The following NXN variants were observed in gnomAD, a reference collection of about 807,000 sequenced individuals.
The protein encoded by NXN is nucleoredoxin 1.
In NXN, 16 loss-of-function variants were observed where a neutral mutation model predicts 48.6. That is an observed-to-expected ratio of 0.33 (90% CI 0.22 to 0.50). NXN has a LOEUF of 0.50. Ranked by LOEUF, NXN falls within the 20% of genes least tolerant of loss-of-function variation. The pLI is 0.98. For missense variants in NXN, 492 were observed against 605.5 expected, an observed-to-expected ratio of 0.81 and a Z score of 1.97; for synonymous variants, 281 against 269.6, an observed-to-expected ratio of 1.04 and a Z score of -0.41.
chr17:830,135 C>T lies in NXN; in HGVS notation c.361-4057G>A, dbSNP rs942559373. Among the ~76,000 whole-genome samples, 1 of 152,134 alleles carries T rather than the reference C, an allele frequency of 6.6e-6. No individual in the cohort carries two copies. Among genetic ancestry groups the T allele is most frequent in the African/African-American group, 2.4e-5 (1 of 41,438 alleles). ...TTGACTTACTGATGTGTAGGAGATA[C>T]GCTGTTGTCAGCACCCTGTGCTTTC... On this transcript the variant is annotated intron_variant, in intron 1 of 7. Coordinates refer to ENST00000336868, the MANE Select transcript of NXN (RefSeq NM_022463.5). The surrounding 1 kb of genome is among the most constrained non-coding windows in gnomAD (Gnocchi z 4.2).
At chr17:925,279 G>A (rs1377504634) in intron 1 of NXN, among the ~76,000 whole-genome samples, 1 of 152,180 alleles carries the variant, frequency 6.6e-6, no homozygotes, top group Non-Finnish European at 1.5e-5. Context: ...GCCTGAACAA[G>A]TCCAGTGACG....
At chr17:925,419 G>A (rs1456586904) in intron 1 of NXN, among the ~76,000 whole-genome samples, 5 of 152,094 alleles carry the variant, frequency 3.3e-5, no homozygotes, top group Non-Finnish European at 2.9e-5. Context: ...ACAGAGTTTT[G>A]CTCTTATCAC....
intron 1 of NXN, among the ~76,000 whole-genome samples, chr17:843,437 T>C (rs1362850075): frequency 2.0e-5 from 3 of 152,222 alleles, no homozygotes; most frequent in African/African-American, 7.2e-5. Context: ...GTTTCCCCCA[T>C]GCTGCAGCTC....
chr17:836,669 G>A (rs1380509911), intron 1 of NXN, among the ~76,000 whole-genome samples: 1 of 152,162 alleles, frequency 6.6e-6, no homozygotes, highest in Admixed American at 6.6e-5. Flanking sequence ...GTATCTCACC[G>A]TCTCTTGGCT....
intron 1 of NXN, among the ~76,000 whole-genome samples, chr17:966,909 G>A (rs2069312181): frequency 6.6e-6 from 1 of 152,048 alleles, no homozygotes. Flanking sequence ...AAGGACCAGG[G>A]GACTCTCCCT....
intron 5 of NXN, among the ~76,000 whole-genome samples, chr17:812,072 C>A (rs908654312): frequency 6.6e-6 from 1 of 151,254 alleles, no homozygotes; most frequent in Non-Finnish European, 1.5e-5. Flanking sequence ...GGACTACAGG[C>A]GCCCGTCACC....
At chr17:877,502 T>C (rs2068229719) in intron 1 of NXN, among the ~76,000 whole-genome samples, 1 of 152,144 alleles carries the variant, frequency 6.6e-6, no homozygotes, top group Non-Finnish European at 1.5e-5. Flanking sequence ...TCCTTCTACG[T>C]GTGAAGCCCT....
chr17:807,381 T>C (rs1718607452), intron 5 of NXN, among the ~76,000 whole-genome samples: 1 of 151,968 alleles, frequency 6.6e-6, no homozygotes. Flanking sequence ...GGATGCCGAG[T>C]GGGTCTGTGG....
At chr17:950,292 G>C (rs993148941) in intron 1 of NXN, among the ~76,000 whole-genome samples, 2 of 152,194 alleles carry the variant, frequency 1.3e-5, no homozygotes, top group African/African-American at 4.8e-5. Context: ...TTTTATACAA[G>C]AAAGGGATTC....
chr17:896,858 C>CGGGGGGG, intron 1 of NXN: 1 of 536,120 alleles, frequency 1.9e-6, no homozygotes, highest in Non-Finnish European at 3.0e-6. Flanking sequence ...GTCCTGACCA[C>CGGGGGGG]CCGCCCCCGG....
chr17:952,686 TGGGGGGGC>T lies in NXN; in HGVS notation c.360+26625_360+26632del, dbSNP rs1567516772. Reference sequence around the variant, plus strand: ...GCAGGTACCACGGACGGTCACACTGTGGGGGGGCTGGAGTCAGACAGACCAAGGTTGGA... The same window carrying T: ...GCAGGTACCACGGACGGTCACACTGTTGGAGTCAGACAGACCAAGGTTGGA... On this transcript the variant is annotated intron_variant, in intron 1 of 7. Transcript: ENST00000336868. Among the ~76,000 whole-genome samples, 93 of 9,432 alleles carry T rather than the reference TGGGGGGGC, an allele frequency of 9.9e-3. 1 individual carries two copies. The highest frequency in any genetic ancestry group is 0.043 in the African/African-American group (90 of 2,098). 6.2% of individuals were successfully genotyped at this position (9,432 alleles called of 152,430 possible).
intron 2 of NXN, among the ~76,000 whole-genome samples, chr17:824,035 CAT>C (rs1567818637): frequency 3.2e-5 from 4 of 124,276 alleles, no homozygotes; most frequent in African/African-American, 6.4e-5. Context: ...CTTCCAGGGA[CAT>C]TTTTTTTTTT....
intron 1 of NXN, among the ~76,000 whole-genome samples, chr17:926,846 C>T (rs918394097): frequency 6.6e-5 from 10 of 152,100 alleles, no homozygotes; most frequent in African/African-American, 2.4e-4. Flanking sequence ...CTGGCCATCC[C>T]ACACATCCCT....
chr17:957,242 C>G (rs1336240044), intron 1 of NXN, among the ~76,000 whole-genome samples: 1 of 152,000 alleles, frequency 6.6e-6, no homozygotes, highest in Non-Finnish European at 1.5e-5. Flanking sequence ...CCCAACACTA[C>G]GCCGTGTGGA....
At chr17:973,728 G>A (rs999429728) in intron 1 of NXN, among the ~76,000 whole-genome samples, 4 of 151,796 alleles carry the variant, frequency 2.6e-5, no homozygotes, top group Admixed American at 2.6e-4. Context: ...CACCCAGGCT[G>A]GAGTGCCGTG....
rs143651198 is a variant in NXN, at chr17:925,913, C to G, written c.360+53406G>C. Among the ~76,000 whole-genome samples, 3 of 152,352 alleles carry G rather than the reference C, an allele frequency of 2.0e-5. No individual in the cohort carries two copies. The East Asian group carries it at 5.8e-4, about 29-fold the overall frequency. On this transcript the variant is annotated intron_variant, in intron 1 of 7. Transcript: ENST00000336868. ...CTTTAGTTTATCCAAAACTCCCTTT[C>G]TCTGGCTAAGAGCTATCACTTCTTT...
At chr17:970,046 A>G (rs1330157982) in intron 1 of NXN, among the ~76,000 whole-genome samples, 5 of 152,312 alleles carry the variant, frequency 3.3e-5, no homozygotes, top group Non-Finnish European at 2.9e-5. Context: ...GTTTTTTTAA[A>G]AGGACTTTCT....
At chr17:816,326 C>A (rs919522770) in intron 5 of NXN, among the ~76,000 whole-genome samples, 1 of 140,604 alleles carries the variant, frequency 7.1e-6, no homozygotes, top group African/African-American at 2.8e-5. Flanking sequence ...TACAGCCCCC[C>A]AGACCTTCAC....
chr17:805,293 G>GCCCT (rs1390632542), intron 5 of NXN, 46 bp from the exon 6 acceptor site: 1 of 1,557,390 alleles, frequency 6.4e-7, no homozygotes, highest in Non-Finnish European at 8.7e-7. Context: ...GGAGATGCTG[G>GCCCT]CCCTGCCTGG....
Sources: allele counts gnomAD v4.1 joint callset (sites outside exome capture counted in the v4.1 genomes callset), GRCh38; gene constraint gnomAD v4.1.1; non-coding constraint Gnocchi (gnomAD v3.1); transcripts MANE v1.5; gene names NCBI Gene and HGNC (gene_info 2026-07-23, HGNC 2026-07-21).